MEMO1: variants seen among roughly 807,000 people sequenced by gnomAD.
The protein encoded by MEMO1 is protein MEMO1.
MEMO1 carries 6 observed loss-of-function variants against 45.2 expected under a neutral mutation model. The ratio of observed to expected loss-of-function variants is 0.13; its 90% CI spans 0.07 to 0.26. The LOEUF (loss-of-function observed/expected upper bound fraction) is 0.26, where lower values mean the gene tolerates loss of function less well. MEMO1 is among the 10% of genes least tolerant of loss of function. The pLI is 1.00. For missense variants in MEMO1, 184 were observed against 370.5 expected (o/e 0.50, Z 4.13); for synonymous variants, 78 against 124.3 (o/e 0.63, Z 2.48).
At chr2:31,964,573 T>A (rs1668391894) in intron 2 of MEMO1, among the ~76,000 whole-genome samples, 1 of 152,024 alleles carries the variant, frequency 6.6e-6, no homozygotes, top group Admixed American at 6.6e-5. Flanking sequence ...TGGTGGCGCA[T>A]GGCTGTAATC....
At chr2:31,892,235 T>C (rs2147991620) in intron 6 of MEMO1, 101 bp from the exon 7 acceptor site, 1 of 999,352 alleles carries the variant, frequency 1.0e-6, no homozygotes, top group African/African-American at 1.6e-5. Context: ...TTAATAGTGG[T>C]AAGGATAACA....
intron 2 of MEMO1, 139 bp from the exon 3 acceptor site, chr2:31,943,522 T>A: frequency 1.5e-6 from 1 of 681,546 alleles, no homozygotes; most frequent in Non-Finnish European, 2.6e-6. Context: ...GGGATGTTAA[T>A]GTTTGAATTT....
chr2:31,894,650 G>A (rs540195930), intron 6 of MEMO1, among the ~76,000 whole-genome samples: 22 of 152,230 alleles, frequency 1.4e-4, no homozygotes, highest in South Asian at 6.2e-4. Context: ...GACTGGCAGC[G>A]TATGCACAGG....
chr2:31,960,823 T>G (rs1183377075), intron 2 of MEMO1, among the ~76,000 whole-genome samples: 1 of 152,036 alleles, frequency 6.6e-6, no homozygotes, highest in Non-Finnish European at 1.5e-5. Context: ...TGACCTCAAG[T>G]GATCCGCCCG....
intron 2 of MEMO1, among the ~76,000 whole-genome samples, chr2:31,982,454 GA>G (rs1482381082): frequency 6.6e-6 from 1 of 151,664 alleles, no homozygotes; most frequent in African/African-American, 2.4e-5. Context: ...GCTGGGCATG[GA>G]GGTGAACGCC....
In MEMO1 at chr2:31,954,947, G is replaced by T. The variant is rs187161217; in HGVS notation, c.62-11564C>A. On this transcript the variant is annotated intron_variant, in intron 2 of 9. Transcript: ENST00000404530. ...ACCTCTGCAGGAAACTCCATTGCAC[G>T]TTAAAATGTGAGACTGGGCGCAGTG... 1.6e-4 allele frequency among the ~76,000 whole-genome samples: 24 copies of T among 151,876 alleles called. No homozygotes were observed. The Middle Eastern group carries it at 0.014, about 86-fold the overall frequency.
chr2:31,966,601 C>T (rs935984857), intron 2 of MEMO1, among the ~76,000 whole-genome samples: 1 of 151,812 alleles, frequency 6.6e-6, no homozygotes, highest in African/African-American at 2.4e-5. Context: ...CATGGTGGCA[C>T]GACCTGTAGT....
At chr2:31,945,971 G>T (rs1666146190) in intron 2 of MEMO1, among the ~76,000 whole-genome samples, 1 of 152,174 alleles carries the variant, frequency 6.6e-6, no homozygotes, top group Non-Finnish European at 1.5e-5. Context: ...AGATGTAAGG[G>T]TGAGCATTCT....
At chr2:31,970,563 T>C (rs1202960163) in intron 2 of MEMO1, among the ~76,000 whole-genome samples, 1 of 152,080 alleles carries the variant, frequency 6.6e-6, no homozygotes, top group Non-Finnish European at 1.5e-5. Context: ...TCTGTTATCA[T>C]CTTTTTTTTA....
chr2:31,872,373 G>A (rs1454635364), intron 8 of MEMO1, among the ~76,000 whole-genome samples: 2 of 152,070 alleles, frequency 1.3e-5, no homozygotes, highest in African/African-American at 4.8e-5. Context: ...TAATACTCCT[G>A]AATGAAGTCT....
At chr2:31,984,332 T>A (rs1445370432) in intron 2 of MEMO1, among the ~76,000 whole-genome samples, 1 of 151,700 alleles carries the variant, frequency 6.6e-6, no homozygotes, top group African/African-American at 2.4e-5. Context: ...TTAAGAGGGG[T>A]GGGGAGGAAA....
At chr2:31,983,366 CCT>C (rs1670886077) in intron 2 of MEMO1, among the ~76,000 whole-genome samples, 2 of 152,116 alleles carry the variant, frequency 1.3e-5, no homozygotes, top group Admixed American at 1.3e-4. Flanking sequence ...GTCTCTGTCC[CCT>C]GACAGGACTT....
intron 2 of MEMO1, among the ~76,000 whole-genome samples, chr2:31,978,443 GT>G (rs1257279594): frequency 2.0e-5 from 3 of 152,134 alleles, no homozygotes; most frequent in Non-Finnish European, 4.4e-5. Flanking sequence ...TATAGTAAAG[GT>G]TCAAAAAATG....
intron 3 of MEMO1, among the ~76,000 whole-genome samples, chr2:31,938,788 T>A (rs920611322): frequency 8.5e-5 from 9 of 105,906 alleles, no homozygotes; most frequent in South Asian, 5.3e-4. Context: ...AGAACAATAT[T>A]TTTTTTTTTT....
At chr2:31,971,925 G>A (rs557453064) in intron 2 of MEMO1, among the ~76,000 whole-genome samples, 10 of 152,160 alleles carry the variant, frequency 6.6e-5, no homozygotes, top group Admixed American at 2.6e-4. Context: ...AGCCAAGATC[G>A]TGCCACTGCA....
chr2:31,886,571 C>T (rs965471322), intron 7 of MEMO1, among the ~76,000 whole-genome samples: 2 of 151,862 alleles, frequency 1.3e-5, no homozygotes, highest in South Asian at 2.1e-4. Flanking sequence ...CATAAATACA[C>T]CTTTAACTAA....
chr2:31,985,457 C>G (rs1671149018), intron 2 of MEMO1, among the ~76,000 whole-genome samples: 1 of 152,206 alleles, frequency 6.6e-6, no homozygotes, highest in African/African-American at 2.4e-5. Context: ...TCCAGAGTAG[C>G]TGGGATTACA....
At chr2:31,983,580 A>G (rs1437273663) in intron 2 of MEMO1, among the ~76,000 whole-genome samples, 1 of 152,046 alleles carries the variant, frequency 6.6e-6, no homozygotes, top group Non-Finnish European at 1.5e-5. Flanking sequence ...GATTACAGGC[A>G]TGCACCACCA....
At chr2:31,918,142 A>AT (rs1681743082) in intron 5 of MEMO1, 105 bp from the exon 6 acceptor site, 1 of 575,438 alleles carries the variant, frequency 1.7e-6, no homozygotes, top group Admixed American at 3.8e-5. Context: ...GGCAAGAGAC[A>AT]GAAACACCAT....
Sources: allele counts gnomAD v4.1 joint callset (sites outside exome capture counted in the v4.1 genomes callset), GRCh38; gene constraint gnomAD v4.1.1; transcripts MANE v1.5; gene names NCBI Gene and HGNC (gene_info 2026-07-23, HGNC 2026-07-21).